Variants in STK24 observed in about 807,000 individuals in gnomAD.
STK24 encodes serine/threonine kinase 24, also known as serine/threonine-protein kinase 24.
A neutral mutation model predicts 55.6 loss-of-function variants in STK24; 21 were observed. That is an observed-to-expected ratio of 0.38 (90% CI 0.27 to 0.54). The LOEUF is 0.54. STK24 is among the 20% of genes least tolerant of loss of function. The pLI is 0.79. For synonymous variants in STK24, 200 were observed against 215.2 expected (o/e 0.93, Z 0.62); for missense variants, 383 against 538.4 (o/e 0.71, Z 2.86).
chr13:98,455,348 C>G (rs1316416002), intron 10 of STK24: 1 of 152,174 alleles, frequency 6.6e-6, no homozygotes, highest in African/African-American at 2.4e-5. Context: ...TCGAACAATT[C>G]TGCAGCCTCA....
In STK24 at chr13:98,450,299, G is replaced by A. The variant is rs1260627782; in HGVS notation, c.*2874C>T. On this transcript the variant is annotated 3_prime_UTR_variant, in exon 11 of 11. Transcript: ENST00000539966. ...TCTGCCTTTGCTGACACATTTTATA[G>A]CAGAAATACACAAGCTGTTTTTAAA... 1 of 152,164 alleles carries A rather than the reference G, an allele frequency of 6.6e-6. No homozygotes were observed. The highest frequency in any genetic ancestry group is 1.5e-5 in the Non-Finnish European group (1 of 68,032). The allele number at this position is 152,164 out of a possible 1,614,324, so 9.4% of individuals were successfully genotyped here. A position where few individuals can be genotyped will look rare whatever the true frequency, so the allele number is the denominator to read the frequency against.
At chr13:98,460,077 G>A (rs1213565274) in intron 9 of STK24, among the ~76,000 whole-genome samples, 1 of 152,220 alleles carries the variant, frequency 6.6e-6, no homozygotes, top group African/African-American at 2.4e-5. Flanking sequence ...AAGAGAGCAG[G>A]CTGTACACAA....
intron 1 of STK24, among the ~76,000 whole-genome samples, chr13:98,567,139 G>A (rs1285909873): frequency 1.3e-5 from 2 of 152,150 alleles, no homozygotes; most frequent in African/African-American, 4.8e-5. Context: ...GTTTAGATAC[G>A]CACCCTTCAA....
At chr13:98,496,738 A>AG (rs1895265638) in intron 2 of STK24, among the ~76,000 whole-genome samples, 1 of 152,254 alleles carries the variant, frequency 6.6e-6, no homozygotes, top group Non-Finnish European at 1.5e-5. Flanking sequence ...CCACTTAAAG[A>AG]GAATCACAAA....
At chr13:98,472,614 G>T (rs1346621041) in intron 5 of STK24, among the ~76,000 whole-genome samples, 1 of 152,182 alleles carries the variant, frequency 6.6e-6, no homozygotes. Flanking sequence ...ACAAATTTGT[G>T]AATGAATGGC....
chr13:98,541,608 C>T (rs1455830782), intron 1 of STK24, among the ~76,000 whole-genome samples: 1 of 152,180 alleles, frequency 6.6e-6, no homozygotes, highest in Non-Finnish European at 1.5e-5. Context: ...GACTTAGAAG[C>T]TGCCAATGTA....
intron 1 of STK24, among the ~76,000 whole-genome samples, chr13:98,526,920 G>A (rs1896445520): frequency 6.6e-6 from 1 of 152,164 alleles, no homozygotes; most frequent in Admixed American, 6.5e-5. Flanking sequence ...TGAGACGCTT[G>A]CCAGGTGGAA....
In STK24 at chr13:98,463,673, A is replaced by G. The variant is rs2296149; in HGVS notation, c.929+18T>C. 1,372,445 of 1,610,040 alleles carry G rather than the reference A, an allele frequency of 0.85. 590,033 individuals carry two copies. Among genetic ancestry groups the G allele is most frequent in the Non-Finnish European group, 0.89 (1,045,479 of 1,177,648 alleles). ...TCCCTCCCACACACATGCTTGGGTC[A>G]CTCAGGGGCCGACTTACGCGTCGGA... On this transcript the variant is annotated intron_variant, in intron 7 of 10. Coordinates refer to ENST00000539966, the MANE Select transcript of STK24 (RefSeq NM_001032296.4).
At chr13:98,459,494 G>C (rs1483924307) in intron 9 of STK24, among the ~76,000 whole-genome samples, 1 of 152,234 alleles carries the variant, frequency 6.6e-6, no homozygotes, top group Non-Finnish European at 1.5e-5. Context: ...TTATTGGAGG[G>C]CTGGGAAGAG....
At chr13:98,525,848 C>CCTCATGCATGGTCTG (rs1347655135) in intron 1 of STK24, among the ~76,000 whole-genome samples, 2 of 152,250 alleles carry the variant, frequency 1.3e-5, no homozygotes, top group Non-Finnish European at 2.9e-5. Flanking sequence ...AGGTGTCTGA[C>CCTCATGCATGGTCTG]ACATCCCATG....
At position 98,453,192 on chromosome 13, in the gene STK24, C is replaced by G; in HGVS notation, c.1277G>C (p.Gly426Ala). Residue 426 changes from glycine to alanine, a missense_variant, in exon 11 of 11, where the codon GGA becomes GCA. Physicochemically the swap from Gly to Ala is moderately conservative, Grantham distance 60. Coordinates refer to ENST00000539966, the MANE Select transcript of STK24 (RefSeq NM_001032296.4). ...GGAATTTCAGTGGGATGAAGTTCCTCCACCACTTAGAGAGTATCTAGGGAA... is the reference window on the plus strand; with the variant it reads ...GGAATTTCAGTGGGATGAAGTTCCTGCACCACTTAGAGAGTATCTAGGGAA... ...QRLQRYSLSGGGTSSH is the reference protein window; with the variant it reads ...QRLQRYSLSGAGTSSH 1 of 1,613,550 alleles carries G rather than the reference C, an allele frequency of 6.2e-7. No homozygotes were observed. Among genetic ancestry groups the G allele is most frequent in the Non-Finnish European group, 8.5e-7 (1 of 1,179,806 alleles).
chr13:98,518,682 T>C (rs1354262611), intron 2 of STK24, among the ~76,000 whole-genome samples: 1 of 152,206 alleles, frequency 6.6e-6, no homozygotes, highest in Non-Finnish European at 1.5e-5. Flanking sequence ...CTTTCCCACT[T>C]AAAGAACAGA....
At chr13:98,457,714 C>T (rs565179317) in intron 9 of STK24, among the ~76,000 whole-genome samples, 25 of 152,192 alleles carry the variant, frequency 1.6e-4, no homozygotes, top group Non-Finnish European at 3.4e-4. Flanking sequence ...AAGTGATCCG[C>T]CCGCCTCGGC....
chr13:98,541,822 A>G (rs1184567614), intron 1 of STK24, among the ~76,000 whole-genome samples: 1 of 152,234 alleles, frequency 6.6e-6, no homozygotes, highest in Non-Finnish European at 1.5e-5. Context: ...AACAGCACGC[A>G]CTGGTATTAC....
At chr13:98,562,917 TAAAAAAAAAA>T (rs575288091) in intron 1 of STK24, among the ~76,000 whole-genome samples, 1 of 109,146 alleles carries the variant, frequency 9.2e-6, no homozygotes, top group African/African-American at 3.6e-5. Context: ...CTCCCTCTCT[TAAAAAAAAAA>T]AAAAAAAAAG....
At chr13:98,574,008 T>A (rs1566412197) in intron 1 of STK24, among the ~76,000 whole-genome samples, 1 of 146,570 alleles carries the variant, frequency 6.8e-6, no homozygotes, top group East Asian at 1.9e-4. Context: ...CTGCTTTATT[T>A]TTTTATTTTA....
chr13:98,556,886 T>A (rs1315858766), intron 1 of STK24, among the ~76,000 whole-genome samples: 1 of 152,184 alleles, frequency 6.6e-6, no homozygotes, highest in Non-Finnish European at 1.5e-5. Flanking sequence ...TATGTGGAGC[T>A]CAGACACATG....
chr13:98,511,602 C>T (rs569303993), intron 2 of STK24, among the ~76,000 whole-genome samples: 5 of 152,160 alleles, frequency 3.3e-5, no homozygotes, highest in Non-Finnish European at 5.9e-5. Flanking sequence ...CCCTACTTAA[C>T]AGTAAAAAGG....
chr13:98,531,514 G>A (rs928327897), intron 1 of STK24, among the ~76,000 whole-genome samples: 6 of 152,082 alleles, frequency 3.9e-5, no homozygotes, highest in Non-Finnish European at 8.8e-5. Context: ...TCACACCTTA[G>A]GGACTCCCCC....
Sources: gnomAD v4.1 joint callset for allele counts (sites outside exome capture counted in the v4.1 genomes callset) on GRCh38, gnomAD v4.1.1 for gene constraint, MANE v1.5 for transcripts, NCBI Gene and HGNC (gene_info 2026-07-23, HGNC 2026-07-21) for gene names.